The following PHACTR3 variants were observed in gnomAD, a reference collection of about 807,000 sequenced individuals.
The protein encoded by PHACTR3 is phosphatase and actin regulator 3.
A neutral mutation model predicts 66.8 loss-of-function variants in PHACTR3; 16 were observed. The ratio of observed to expected loss-of-function variants is 0.24; its 90% confidence interval spans 0.16 to 0.36. The LOEUF is 0.36. PHACTR3 is among the 10% of genes least tolerant of loss of function. PHACTR3 has a pLI of 1.00. For missense variants in PHACTR3, 647 were observed against 719.9 expected (o/e 0.90, Z 1.16); for synonymous variants, 323 against 292.1 (o/e 1.11, Z -1.08).
chr20:59,790,739 CTG>C (rs1285816970), intron 7 of PHACTR3, among the ~76,000 whole-genome samples: 1 of 152,164 alleles, frequency 6.6e-6, no homozygotes, highest in Non-Finnish European at 1.5e-5. Flanking sequence ...AAGTGGGAGT[CTG>C]TAAATTGTTA....
rs56031683 is a variant in PHACTR3, at chr20:59,620,272, A to G, written c.118+15140A>G. ...GCGTACCTTTCACCTATATTCCCCA[A>G]ATAACATCCCACTTAACTACAGTAA... is the stretch of plus-strand genomic sequence containing the variant. On this transcript the variant is annotated intron_variant, in intron 1 of 12. Transcript: ENST00000371015. Among the ~76,000 whole-genome samples the G allele has an allele frequency of 4.1e-3, 619 of 152,358 alleles. 6 individuals carry two copies. The highest frequency in any genetic ancestry group is 0.014 in the African/African-American group (578 of 41,582).
rs1568775597 is a variant in PHACTR3, at chr20:59,747,751, T to TG, written c.281-4dup. ...GAGACTCACCTGTGTGTTTGTGTGT[T>TG]GGGCAGCGCTGGAGAAGAAGATGGC... On this transcript the variant is annotated splice_polypyrimidine_tract_variant and splice_region_variant and intron_variant, in intron 2 of 12. Coordinates refer to ENST00000371015, the MANE Select transcript of PHACTR3 (RefSeq NM_080672.5). 1 of 1,613,496 alleles carries TG rather than the reference T, an allele frequency of 6.2e-7. No individual in the cohort carries two copies. Among genetic ancestry groups the TG allele is most frequent in the South Asian group, 1.1e-5 (1 of 90,988 alleles).
intron 9 of PHACTR3, 71 bp downstream of exon 9, chr20:59,836,631 C>T (rs1175324430): frequency 1.4e-6 from 2 of 1,468,486 alleles, no homozygotes; most frequent in Non-Finnish European, 1.9e-6. Flanking sequence ...ATCCTGAGTT[C>T]CCATAACCCA....
chr20:59,704,056 C>T (rs1234845433), intron 1 of PHACTR3, among the ~76,000 whole-genome samples: 2 of 152,158 alleles, frequency 1.3e-5, no homozygotes, highest in East Asian at 1.9e-4. Context: ...AAATCTTTAG[C>T]AGTGAAATTC....
intron 1 of PHACTR3, among the ~76,000 whole-genome samples, chr20:59,645,182 G>A (rs1167874966): frequency 6.7e-6 from 1 of 150,130 alleles, no homozygotes; most frequent in Non-Finnish European, 1.5e-5. Flanking sequence ...CCATGTTGCT[G>A]CAAAGGATAT....
chr20:59,682,110 C>T (rs2036681716), intron 1 of PHACTR3, among the ~76,000 whole-genome samples: 1 of 152,008 alleles, frequency 6.6e-6, no homozygotes, highest in Non-Finnish European at 1.5e-5. Flanking sequence ...GAGGCCGAGG[C>T]AGGTGGATCA....
At chr20:59,597,071 T>C (rs2033346847) in intron 1 of PHACTR3, among the ~76,000 whole-genome samples, 1 of 152,188 alleles carries the variant, frequency 6.6e-6, no homozygotes, top group South Asian at 2.1e-4. Context: ...TAAGCCGGGG[T>C]TGCTGGTAGA....
At chr20:59,645,987 C>T (rs1012589739) in intron 1 of PHACTR3, among the ~76,000 whole-genome samples, 11 of 152,190 alleles carry the variant, frequency 7.2e-5, no homozygotes, top group African/African-American at 2.2e-4. Flanking sequence ...CCCCTGGCCC[C>T]GTTCTGCCTG....
intron 7 of PHACTR3, among the ~76,000 whole-genome samples, chr20:59,791,557 G>T (rs1293627045): frequency 6.6e-6 from 1 of 151,970 alleles, no homozygotes; most frequent in African/African-American, 2.4e-5. Flanking sequence ...TGGCTAGAGG[G>T]TCACTCTGGA....
intron 9 of PHACTR3, among the ~76,000 whole-genome samples, chr20:59,838,460 T>C (rs1600751084): frequency 1.5e-5 from 2 of 129,618 alleles, no homozygotes; most frequent in Admixed American, 7.1e-5. Flanking sequence ...ATAACGTGGA[T>C]AGAAAAGCAG....
intron 1 of PHACTR3, among the ~76,000 whole-genome samples, chr20:59,689,831 A>G (rs978956866): frequency 2.0e-5 from 3 of 151,968 alleles, no homozygotes; most frequent in Non-Finnish European, 4.4e-5. Context: ...TGGCATCTCC[A>G]GCCTTCAGCA....
At chr20:59,645,941 G>C (rs748150801) in intron 1 of PHACTR3, among the ~76,000 whole-genome samples, 2 of 152,180 alleles carry the variant, frequency 1.3e-5, no homozygotes, top group African/African-American at 2.4e-5. Flanking sequence ...TCTGCCCTCT[G>C]CTGGTCACTA....
intron 1 of PHACTR3, among the ~76,000 whole-genome samples, chr20:59,619,141 C>T (rs747764020): frequency 6.6e-6 from 1 of 152,130 alleles, no homozygotes; most frequent in Admixed American, 6.5e-5. Context: ...TCCTGTATAG[C>T]CCCCTCCCCT....
intron 1 of PHACTR3, among the ~76,000 whole-genome samples, chr20:59,703,510 G>A (rs1013529758): frequency 1.3e-5 from 2 of 152,120 alleles, no homozygotes; most frequent in Admixed American, 6.5e-5. Flanking sequence ...ATTTGATGGG[G>A]GAAGGTTTGT....
chr20:59,633,476 G>A (rs140651084), intron 1 of PHACTR3, among the ~76,000 whole-genome samples: 2,663 of 152,218 alleles, frequency 0.017, 91 homozygotes, highest in African/African-American at 0.06. Context: ...ACAGAGAGGG[G>A]AACAACCCAC....
intron 8 of PHACTR3, among the ~76,000 whole-genome samples, chr20:59,831,295 T>C (rs1261505017): frequency 6.6e-6 from 1 of 152,166 alleles, no homozygotes; most frequent in Non-Finnish European, 1.5e-5. Context: ...TCTTCCTGGC[T>C]CCCCAGCCCA....
At chr20:59,622,474 G>T (rs545334530) in intron 1 of PHACTR3, among the ~76,000 whole-genome samples, 3 of 152,284 alleles carry the variant, frequency 2.0e-5, no homozygotes, top group Admixed American at 2.0e-4. Context: ...TTACCTACTG[G>T]TAAATGCTCT....
At chr20:59,639,589 G>A (rs2146419525) in intron 1 of PHACTR3, among the ~76,000 whole-genome samples, 1 of 152,286 alleles carries the variant, frequency 6.6e-6, no homozygotes, top group African/African-American at 2.4e-5. Context: ...TGTTTTGGGA[G>A]GCAGGCACAA....
chr20:59,754,506 C>A (rs1378191366), intron 3 of PHACTR3, among the ~76,000 whole-genome samples: 1 of 152,206 alleles, frequency 6.6e-6, no homozygotes, highest in Non-Finnish European at 1.5e-5. Context: ...CTCCACCTTG[C>A]CAGGGTTTAT....
Sources: gnomAD v4.1 joint callset for allele counts (sites outside exome capture counted in the v4.1 genomes callset) on GRCh38, gnomAD v4.1.1 for gene constraint, MANE v1.5 for transcripts, NCBI Gene and HGNC (gene_info 2026-07-23, HGNC 2026-07-21) for gene names.